CEP43: variants seen among roughly 807,000 people sequenced by gnomAD.
The protein encoded by CEP43 is FGFR1 oncogene partner.
A neutral mutation model predicts 52.6 loss-of-function variants in CEP43; 36 were observed. The ratio of observed to expected loss-of-function variants is 0.68; its 90% CI spans 0.52 to 0.90. CEP43 has a LOEUF of 0.90. CEP43 is among the 40% of genes least tolerant of loss of function. CEP43 has a pLI of 0.00. For synonymous variants in CEP43, 192 were observed against 172.4 expected, an observed-to-expected ratio of 1.11 and a Z score of -0.89; for missense variants, 506 against 472.8, an observed-to-expected ratio of 1.07 and a Z score of -0.65.
rs373387476 is a variant in CEP43 at position 167,013,546 on chromosome 6, C to T, written c.558C>T (p.Ser186=). The stretch of plus-strand genomic sequence containing the variant: ...AAGGACAAGGTAAGAAGAAGACAAG[C>T]GGGCAGAAGGCTGGTGACAAGGTAA... ...RYKGQGKKKT[S]GQKAGDKKAN... is the part of the protein sequence containing the mutation. Residue 186 remains serine (S), a synonymous_variant, in exon 7 of 13, where the codon AGC becomes AGT. Coordinates refer to ENST00000366847, the MANE Select transcript of CEP43 (RefSeq NM_007045.4). 2.1e-5 allele frequency: 34 copies of T among 1,613,464 alleles called. No individual in the cohort carries two copies. In the East Asian group the frequency reaches 4.0e-4, roughly 19 times the overall value.
At chr6:167,018,645 C>T (rs1201333016) in intron 7 of CEP43, among the ~76,000 whole-genome samples, 1 of 152,174 alleles carries the variant, frequency 6.6e-6, no homozygotes, top group African/African-American at 2.4e-5. Flanking sequence ...CTGCCTCGGC[C>T]TCCCAAAGTG....
chr6:166,999,666 G>A (rs1422379479), intron 1 of CEP43, 152 bp downstream of exon 1: 3 of 509,776 alleles, frequency 5.9e-6, no homozygotes, highest in Non-Finnish European at 9.8e-6. Context: ...CCTCCGTCCT[G>A]CCCGCCCCAC....
Position 167,000,047 on chromosome 6 carries a change from AC to A in CEP43, c.103-12del. On this transcript the variant is annotated splice_polypyrimidine_tract_variant and intron_variant, in intron 1 of 12. Transcript: ENST00000366847. The stretch of plus-strand genomic sequence containing the variant: ...TGAAATTATAATTTCCTGTTTCTTA[AC>A]TTTTTTTTAAGGCTGAACTCCGAGC... 6.2e-7 allele frequency: 1 copy of A among 1,603,904 alleles called. No individual in the cohort carries two copies. The highest frequency in any genetic ancestry group is 1.1e-5 in the South Asian group (1 of 90,388).
chr6:167,007,143 C>T (rs1670812950), intron 5 of CEP43, among the ~76,000 whole-genome samples: 2 of 152,142 alleles, frequency 1.3e-5, no homozygotes, highest in Admixed American at 6.5e-5. Context: ...CACCCCGTAG[C>T]TTTGGTAACA....
At chr6:167,027,709 C>T (rs529383031) in intron 10 of CEP43, among the ~76,000 whole-genome samples, 1 of 152,292 alleles carries the variant, frequency 6.6e-6, no homozygotes, top group South Asian at 2.1e-4. Context: ...CTGCTATTTC[C>T]TCATCTGTTA....
In CEP43 at chr6:167,040,660, A is replaced by G. The variant is rs1780676690; in HGVS notation, c.*682A>G. ...AATTGTCAATAACATAACATTTGCA[A>G]TCGTCATTCCTCCTGTTATCCATGT... On this transcript the variant is annotated 3_prime_UTR_variant, in exon 13 of 13. Coordinates refer to ENST00000366847, the MANE Select transcript of CEP43 (RefSeq NM_007045.4). The G allele has an allele frequency of 7.8e-6, 8 of 1,024,740 alleles. No individual in the cohort carries two copies. The highest frequency in any genetic ancestry group is 9.1e-5 in the South Asian group (2 of 21,928). 63.5% of individuals were successfully genotyped at this position (1,024,740 alleles called of 1,614,324 possible). A position where few individuals can be genotyped will look rare whatever the true frequency, so the allele number is the denominator to read the frequency against.
At position 167,040,916 on chromosome 6, in the gene CEP43, A is replaced by C; in HGVS notation, c.*938A>C. ...ATTGTAACCCTTAAAAATAGAGCCAATAATAGAATTTCCACAGTCTCATTT... is the reference window on the plus strand; with the variant it reads ...ATTGTAACCCTTAAAAATAGAGCCACTAATAGAATTTCCACAGTCTCATTT... On this transcript the variant is annotated 3_prime_UTR_variant, in exon 13 of 13. Coordinates refer to ENST00000366847, the MANE Select transcript of CEP43 (RefSeq NM_007045.4). 2.9e-6 allele frequency: 3 copies of C among 1,024,540 alleles called. No homozygotes were observed. Among genetic ancestry groups the C allele is most frequent in the Non-Finnish European group, 3.5e-6 (3 of 852,508 alleles). 63.5% of individuals were successfully genotyped at this position (1,024,540 alleles called of 1,614,324 possible).
chr6:167,036,459 C>G, intron 12 of CEP43: 4 of 985,378 alleles, frequency 4.1e-6, no homozygotes, highest in Non-Finnish European at 4.8e-6. Context: ...GGAGCCAGCA[C>G]GAGCAAAGAC....
intron 5 of CEP43, among the ~76,000 whole-genome samples, chr6:167,008,490 A>T (rs1470207489): frequency 6.6e-6 from 1 of 151,562 alleles, no homozygotes; most frequent in Non-Finnish European, 1.5e-5. Flanking sequence ...TTTGAGACGG[A>T]GTCTTGCTCT....
chr6:167,036,374 A>G, intron 12 of CEP43: 2 of 985,406 alleles, frequency 2.0e-6, no homozygotes, highest in Non-Finnish European at 2.4e-6. Flanking sequence ...CAGGGTTGTT[A>G]GAAGGTGACT....
chr6:167,001,044 CTA>C (rs1022900971), intron 2 of CEP43, among the ~76,000 whole-genome samples: 2 of 152,228 alleles, frequency 1.3e-5, no homozygotes, highest in Non-Finnish European at 2.9e-5. Flanking sequence ...CAGTAGCCTT[CTA>C]TGTCACCCCT....
At position 167,047,795 on chromosome 6, in the gene CEP43, G is replaced by A. The variant is rs1208873701; in HGVS notation, c.*7817G>A. ...TTAGCGGTATGTGGTAAGAACATGAGACACAGAATCAGAAACCATGGATTT... is the reference window on the plus strand; with the variant it reads ...TTAGCGGTATGTGGTAAGAACATGAAACACAGAATCAGAAACCATGGATTT... On this transcript the variant is annotated 3_prime_UTR_variant, in exon 13 of 13. Coordinates refer to ENST00000366847, the MANE Select transcript of CEP43 (RefSeq NM_007045.4). 1 of 151,950 alleles carries A rather than the reference G, an allele frequency of 6.6e-6. No homozygotes were observed. Among genetic ancestry groups the A allele is most frequent in the Non-Finnish European group, 1.5e-5 (1 of 68,022 alleles). 9.4% of individuals were successfully genotyped at this position (151,950 alleles called of 1,614,324 possible).
At position 167,040,634 on chromosome 6, in the gene CEP43, G is replaced by C. The variant is rs1780676084; in HGVS notation, c.*656G>C. 23 of 1,030,652 alleles carry C rather than the reference G, an allele frequency of 2.2e-5. No individual in the cohort carries two copies. Among genetic ancestry groups the C allele is most frequent in the Non-Finnish European group, 2.7e-5 (23 of 854,756 alleles). The allele number at this position is 1,030,652 out of a possible 1,614,324, so 63.8% of individuals were successfully genotyped here. A position where few individuals can be genotyped will look rare whatever the true frequency, so the allele number is the denominator to read the frequency against. On this transcript the variant is annotated 3_prime_UTR_variant, in exon 13 of 13. Coordinates refer to ENST00000366847, the MANE Select transcript of CEP43 (RefSeq NM_007045.4). Reference sequence around the variant, plus strand: ...AAGTGGTTATGAGTTTTAATTCATAGAATTGTCAATAACATAACATTTGCA... The same window carrying C: ...AAGTGGTTATGAGTTTTAATTCATACAATTGTCAATAACATAACATTTGCA...
chr6:167,010,624 C>A (rs1779963453), intron 5 of CEP43, among the ~76,000 whole-genome samples, 189 bp from the exon 6 acceptor site: 1 of 152,030 alleles, frequency 6.6e-6, no homozygotes, highest in Admixed American at 6.5e-5. Context: ...TAATTAGAAT[C>A]TAGGGATGTG....
chr6:167,042,902 T>C lies in CEP43; in HGVS notation c.*2924T>C, dbSNP rs1780729300. 1 of 151,316 alleles carries C rather than the reference T, an allele frequency of 6.6e-6. No individual in the cohort carries two copies. Among genetic ancestry groups the C allele is most frequent in the African/African-American group, 2.4e-5 (1 of 41,024 alleles). The allele number at this position is 151,316 out of a possible 1,614,324, so 9.4% of individuals were successfully genotyped here. On this transcript the variant is annotated 3_prime_UTR_variant, in exon 13 of 13. Coordinates refer to ENST00000366847, the MANE Select transcript of CEP43 (RefSeq NM_007045.4). ...AACTGCTGTGTACCTGGCACAACAT[T>C]TGTCCCCTAGTATGAGCTTGGCATC... is the stretch of plus-strand genomic sequence containing the variant.
rs115063316 is a variant in CEP43, at chr6:167,041,108, C to T, written c.*1130C>T. On this transcript the variant is annotated 3_prime_UTR_variant, in exon 13 of 13. Coordinates refer to ENST00000366847, the MANE Select transcript of CEP43 (RefSeq NM_007045.4). ...GCACTTTATAATTTCAATTAAGTTGCGGCTTTTTACTACAAGTTAACTTTA... is the reference window on the plus strand; with the variant it reads ...GCACTTTATAATTTCAATTAAGTTGTGGCTTTTTACTACAAGTTAACTTTA... 2.1e-3 allele frequency: 2,235 copies of T among 1,040,294 alleles called. 32 individuals are homozygous for T. In the African/African-American group the frequency reaches 0.03, roughly 14 times the overall value. The allele number at this position is 1,040,294 out of a possible 1,614,324, so 64.4% of individuals were successfully genotyped here.
chr6:167,027,737 C>T (rs188291876), intron 10 of CEP43: 373 of 371,768 alleles, frequency 1.0e-3, no homozygotes, highest in Non-Finnish European at 1.3e-3. Context: ...CTAATAACAT[C>T]TGCCTTGTTT....
intron 7 of CEP43, among the ~76,000 whole-genome samples, chr6:167,020,540 A>AT (rs1780202445): frequency 6.6e-6 from 1 of 152,172 alleles, no homozygotes; most frequent in Non-Finnish European, 1.5e-5. Context: ...CCTAGATATA[A>AT]TTTGATCTGA....
intron 2 of CEP43, 102 bp downstream of exon 2, chr6:167,000,215 G>C (rs1779702868): frequency 5.7e-6 from 5 of 875,864 alleles, no homozygotes; most frequent in Non-Finnish European, 8.8e-6. Context: ...ATATAGCTAG[G>C]GATAATTTTG....
Sources: gnomAD v4.1 joint callset for allele counts (sites outside exome capture counted in the v4.1 genomes callset) on GRCh38, gnomAD v4.1.1 for gene constraint, MANE v1.5 for transcripts, NCBI Gene and HGNC (gene_info 2026-07-23, HGNC 2026-07-21) for gene names.